The following SPEN variants were observed in gnomAD, a reference collection of about 807,000 sequenced individuals.
The protein encoded by SPEN is msx2-interacting protein.
SPEN carries 18 observed loss-of-function variants against 269.9 expected under a neutral mutation model. The ratio of observed to expected loss-of-function variants is 0.07; its 90% confidence interval spans 0.05 to 0.10. The LOEUF (loss-of-function observed/expected upper bound fraction) is 0.10, where lower values mean the gene tolerates loss of function less well. SPEN is among the 10% of genes least tolerant of loss of function. The pLI, the probability that SPEN is intolerant of heterozygous loss-of-function variation, is 1.00. For synonymous variants in SPEN, 1,726 were observed against 1,765.7 expected (o/e 0.98, Z 0.56); for missense variants, 3,822 against 4,631.2 (o/e 0.83, Z 5.07).
intron 3 of SPEN, among the ~76,000 whole-genome samples, chr1:15,903,403 T>A (rs935010076): frequency 1.3e-5 from 2 of 152,194 alleles, no homozygotes; most frequent in Admixed American, 6.6e-5. Flanking sequence ...AAAGTGGAAC[T>A]AGGTTTCTTT....
chr1:15,848,129 A>T lies in SPEN; in HGVS notation c.62A>T (p.Lys21Met). ...TTACCCGAGAACGTGCGGGAAGAGA[A>T]GATCATCGAGCATTTCAAACGGTGA... Reference protein sequence around the residue: ...GNLPENVREEKIIEHFKRYGR... With the variant: ...GNLPENVREEMIIEHFKRYGR... The change falls in exon 1 of 15, where the codon AAG (lysine) becomes ATG (methionine). Residue 21 changes from lysine (K) to methionine (M), a missense_variant. Physicochemically the swap from Lys to Met is moderately conservative, Grantham distance 95. Transcript: ENST00000375759. This position sits in a 1 kb window ranked among gnomAD's most constrained non-coding sequence, Gnocchi z 5.1. 2 of 1,496,938 alleles carry T rather than the reference A, an allele frequency of 1.3e-6. No homozygotes were observed. Among genetic ancestry groups the T allele is most frequent in the East Asian group, 2.8e-5 (1 of 35,924 alleles). 92.7% of individuals were successfully genotyped at this position (1,496,938 alleles called of 1,614,324 possible).
At chr1:15,850,047 A>G (rs1467177862) in intron 1 of SPEN, among the ~76,000 whole-genome samples, 1 of 152,132 alleles carries the variant, frequency 6.6e-6, no homozygotes, top group Non-Finnish European at 1.5e-5. Flanking sequence ...AGAGAGAAGA[A>G]AGAGGAAATC....
At chr1:15,867,890 A>G (rs2070531027) in intron 1 of SPEN, among the ~76,000 whole-genome samples, 1 of 151,882 alleles carries the variant, frequency 6.6e-6, no homozygotes, top group African/African-American at 2.4e-5. Flanking sequence ...CTGGTGTGCA[A>G]TGGCGTGATC....
intron 3 of SPEN, among the ~76,000 whole-genome samples, chr1:15,908,402 T>C (rs924675690): frequency 1.3e-5 from 2 of 151,880 alleles, no homozygotes; most frequent in Non-Finnish European, 2.9e-5. Context: ...TTCCAAACTC[T>C]CTAAACTTTT....
rs72884177 is a variant in SPEN at position 15,886,792 on chromosome 1, G to A, written c.881+10114G>A. ...GTTTATTACCAAAGTCCCCAGGAGC[G>A]TTGCTTTTAGTTAGGTTAGTCCATT... On this transcript the variant is annotated intron_variant, in intron 3 of 14. Coordinates refer to ENST00000375759, the MANE Select transcript of SPEN (RefSeq NM_015001.3). 7.3e-3 allele frequency among the ~76,000 whole-genome samples: 1,113 copies of A among 152,228 alleles called. 26 individuals carry two copies. The highest frequency in any genetic ancestry group is 0.025 in the African/African-American group (1,055 of 41,522).
chr1:15,929,320 T>C lies in SPEN; in HGVS notation c.3080T>C (p.Val1027Ala), dbSNP rs773767972. 6.2e-7 allele frequency: 1 copy of C among 1,613,804 alleles called. No homozygotes were observed. The highest frequency in any genetic ancestry group is 1.1e-5 in the South Asian group (1 of 91,042). Reference sequence around the variant, plus strand: ...CAGCCTGACGTGTCCTCTAGAGAGGTCATTCTGCTGAGGGAAGGAGAGGCT... The same window carrying C: ...CAGCCTGACGTGTCCTCTAGAGAGGCCATTCTGCTGAGGGAAGGAGAGGCT... Reference protein sequence around the residue: ...KKQPDVSSREVILLREGEAER... With the variant: ...KKQPDVSSREAILLREGEAER... Residue 1027 changes from valine (V) to alanine (A), a missense_variant, in exon 11 of 15, where the codon GTC becomes GCC. Physicochemically the swap from Val to Ala is moderately conservative, Grantham distance 64. Transcript: ENST00000375759. The surrounding 1 kb of genome is among the most constrained non-coding windows in gnomAD (Gnocchi z 5.8).
At chr1:15,868,306 C>A (rs1237776966) in intron 1 of SPEN, among the ~76,000 whole-genome samples, 1 of 151,728 alleles carries the variant, frequency 6.6e-6, no homozygotes, top group Admixed American at 6.6e-5. Flanking sequence ...TGTGTCCAGT[C>A]TCATTTTAGA....
At position 15,848,029 on chromosome 1, in the gene SPEN, G is replaced by C. The variant is rs1315320677; in HGVS notation, c.-39G>C. The C allele has an allele frequency of 2.2e-6, 3 of 1,354,194 alleles. No homozygotes were observed. The African/African-American group carries it at 4.5e-5, about 20-fold the overall frequency. The allele number at this position is 1,354,194 out of a possible 1,614,324, so 83.9% of individuals were successfully genotyped here. A position where few individuals can be genotyped will look rare whatever the true frequency, so the allele number is the denominator to read the frequency against. ...GACGGTCTCGTACGAAGCCGGCGAG[G>C]GGGAGCCAGCAGCGGCGGTCGCCGG... On this transcript the variant is annotated 5_prime_UTR_variant, in exon 1 of 15. Transcript: ENST00000375759. This position sits in a 1 kb window ranked among gnomAD's most constrained non-coding sequence, Gnocchi z 5.1.
rs1273741765 is a variant in SPEN, at chr1:15,933,428, G to A, written c.7188G>A (p.Gln2396=). The change falls in exon 11 of 15, where the codon CAG becomes CAA. Residue 2396 remains glutamine, a synonymous_variant. Coordinates refer to ENST00000375759, the MANE Select transcript of SPEN (RefSeq NM_015001.3). The surrounding 1 kb of genome is among the most constrained non-coding windows in gnomAD (Gnocchi z 5.7). ...AGAAACCCCATTCCACTCCTCCTCA[G>A]TCATGTACTTCTGACCTAAGCAAGA... is the stretch of plus-strand genomic sequence containing the variant. The part of the protein sequence containing the change: ...QSEKPHSTPP[Q]SCTSDLSKIP... 3.7e-6 allele frequency: 6 copies of A among 1,614,006 alleles called. No homozygotes were observed. Among genetic ancestry groups the A allele is most frequent in the Non-Finnish European group, 5.1e-6 (6 of 1,180,036 alleles).
chr1:15,895,564 G>C (rs1230167945), intron 3 of SPEN, among the ~76,000 whole-genome samples: 1 of 151,782 alleles, frequency 6.6e-6, no homozygotes, highest in Non-Finnish European at 1.5e-5. Flanking sequence ...TTATCTACCA[G>C]ATACCCTGTT....
At chr1:15,857,626 G>C (rs2070400431) in intron 1 of SPEN, among the ~76,000 whole-genome samples, 1 of 152,012 alleles carries the variant, frequency 6.6e-6, no homozygotes, top group African/African-American at 2.4e-5. Flanking sequence ...CAAAGTGCTG[G>C]TATTACAGGC....
At chr1:15,889,164 C>CTTTTTTTT (rs56721891) in intron 3 of SPEN, among the ~76,000 whole-genome samples, 4 of 124,926 alleles carry the variant, frequency 3.2e-5, no homozygotes, top group African/African-American at 9.5e-5. Flanking sequence ...CTTTTCTTTT[C>CTTTTTTTT]TTTTTTTTTT....
intron 5 of SPEN, 39 bp from the exon 6 acceptor site, chr1:15,916,088 AC>A (rs2071064520): frequency 1.3e-6 from 2 of 1,573,700 alleles, no homozygotes; most frequent in African/African-American, 2.7e-5. Flanking sequence ...GCATTAAAAT[AC>A]TGTCTTCTCT....
chr1:15,850,024 A>G (rs1312150199), intron 1 of SPEN, among the ~76,000 whole-genome samples: 1 of 152,176 alleles, frequency 6.6e-6, no homozygotes. Context: ...GCCCCTCTGC[A>G]AGATGAGGGG....
Position 15,932,421 on chromosome 1 carries a change from G to C in SPEN, c.6181G>C (p.Glu2061Gln). The change falls in exon 11 of 15, where the codon GAA (glutamate) becomes CAA (glutamine). Residue 2061 changes from glutamate to glutamine, a missense_variant. Around this residue, in one of 16 missense-constraint regions of SPEN, gnomAD observed 727 missense variants for 737.9 expected, o/e 0.99. Transcript: ENST00000375759. The surrounding 1 kb of genome is among the most constrained non-coding windows in gnomAD (Gnocchi z 4.2). ...AAACCCCCCTGAAACCGCCCCTGTTGAAGTTGTAGAGAAAAAACCGGCCCC... is the reference window on the plus strand; with the variant it reads ...AAACCCCCCTGAAACCGCCCCTGTTCAAGTTGTAGAGAAAAAACCGGCCCC... ...DKNPPETAPV[E>Q]VVEKKPAPEK... The C allele has an allele frequency of 6.2e-7, 1 of 1,614,040 alleles. No homozygotes were observed. Among genetic ancestry groups the C allele is most frequent in the Admixed American group, 1.7e-5 (1 of 59,992 alleles).
rs1309095648 is a variant in SPEN, at chr1:15,920,990, A to G, written c.1749+7A>G. The G allele has an allele frequency of 1.3e-6, 2 of 1,561,620 alleles. No individual in the cohort carries two copies. The highest frequency in any genetic ancestry group is 4.5e-5 in the East Asian group (2 of 44,248). On this transcript the variant is annotated splice_region_variant and intron_variant, in intron 9 of 14. Coordinates refer to ENST00000375759, the MANE Select transcript of SPEN (RefSeq NM_015001.3). ...CGGTGGGAATAAAATTAAGGTGTGC[A>G]GAATGACTTTAAACAGAAGCAAAAC...
chr1:15,861,284 A>G (rs897174782), intron 1 of SPEN, among the ~76,000 whole-genome samples: 1 of 151,778 alleles, frequency 6.6e-6, no homozygotes, highest in African/African-American at 2.4e-5. Context: ...GGCACATGCC[A>G]CCACACCTGG....
At chr1:15,875,545 G>C (rs2070622735) in intron 2 of SPEN, among the ~76,000 whole-genome samples, 1 of 152,080 alleles carries the variant, frequency 6.6e-6, no homozygotes. Flanking sequence ...TTTGATACTT[G>C]AAGTGGTTTT....
intron 3 of SPEN, among the ~76,000 whole-genome samples, chr1:15,879,128 C>T (rs768569867): frequency 1.3e-5 from 2 of 150,250 alleles, no homozygotes; most frequent in Admixed American, 1.3e-4. Flanking sequence ...CACTTGAGGT[C>T]GGTCAGGAGT....
Sources: allele counts gnomAD v4.1 joint callset (sites outside exome capture counted in the v4.1 genomes callset), GRCh38; gene constraint gnomAD v4.1.1; regional missense constraint gnomAD v4.1.1; non-coding constraint Gnocchi (gnomAD v3.1); transcripts MANE v1.5; gene names NCBI Gene and HGNC (gene_info 2026-07-23, HGNC 2026-07-21).